Variants in CPNE4 observed in about 807,000 individuals in gnomAD.
CPNE4 encodes the protein copine 4, also known as copine-4.
A neutral mutation model predicts 67.9 loss-of-function variants in CPNE4; 25 were observed. That is an observed-to-expected ratio of 0.37 (90% confidence interval 0.27 to 0.51). CPNE4 has a LOEUF of 0.51. CPNE4 is among the 20% of genes least tolerant of loss of function. The pLI is 0.93. For missense variants in CPNE4, 464 were observed against 690.8 expected, an observed-to-expected ratio of 0.67 and a Z score of 3.68; for synonymous variants, 242 against 244.9, an observed-to-expected ratio of 0.99 and a Z score of 0.11.
At chr3:131,872,377 A>C (rs998521508) in intron 2 of CPNE4, among the ~76,000 whole-genome samples, 3 of 152,190 alleles carry the variant, frequency 2.0e-5, no homozygotes, top group African/African-American at 4.8e-5. Context: ...TCCAAGAACC[A>C]GGAGGACTCA....
intron 12 of CPNE4, among the ~76,000 whole-genome samples, chr3:131,555,196 C>T (rs905103987): frequency 1.3e-5 from 2 of 151,934 alleles, no homozygotes; most frequent in South Asian, 4.2e-4. Context: ...AGGTTCTGAG[C>T]CCCTGGAGAT....
intron 15 of CPNE4, chr3:131,537,543 A>G: frequency 4.6e-6 from 1 of 215,622 alleles, no homozygotes; most frequent in Non-Finnish European, 9.4e-6. Context: ...TCAGCATCTC[A>G]AAGTCCTGAG....
chr3:131,888,969 C>T (rs1486806655), intron 2 of CPNE4, among the ~76,000 whole-genome samples: 1 of 152,158 alleles, frequency 6.6e-6, no homozygotes, highest in African/African-American at 2.4e-5. Flanking sequence ...ATTAAACATA[C>T]CTCGACATAA....
At chr3:131,690,484 A>G (rs2081009786) in intron 5 of CPNE4, among the ~76,000 whole-genome samples, 1 of 152,132 alleles carries the variant, frequency 6.6e-6, no homozygotes, top group African/African-American at 2.4e-5. Context: ...ACTGGCTAGC[A>G]ATATGCAGAA....
intron 3 of CPNE4, among the ~76,000 whole-genome samples, chr3:131,716,224 C>A (rs147604401): frequency 3.4e-5 from 5 of 147,282 alleles, no homozygotes; most frequent in African/African-American, 1.3e-4. Context: ...CCAGACAGAG[C>A]GAGTACTACA....
At chr3:131,630,140 ACG>A (rs1433123290) in intron 7 of CPNE4, among the ~76,000 whole-genome samples, 5 of 152,238 alleles carry the variant, frequency 3.3e-5, no homozygotes, top group African/African-American at 7.2e-5. Context: ...ATGAAATCTC[ACG>A]CTGTCCTGCA....
chr3:131,850,792 A>G (rs2086209811), intron 2 of CPNE4, among the ~76,000 whole-genome samples: 1 of 152,100 alleles, frequency 6.6e-6, no homozygotes, highest in South Asian at 2.1e-4. Context: ...TAATCCTACG[A>G]GATTTTATCC....
chr3:131,944,086 C>T (rs367593963), intron 1 of CPNE4, among the ~76,000 whole-genome samples: 14 of 152,244 alleles, frequency 9.2e-5, no homozygotes, highest in African/African-American at 2.4e-4. Flanking sequence ...AATTCCAAAT[C>T]TCCAGCACCT....
intron 1 of CPNE4, among the ~76,000 whole-genome samples, chr3:131,929,651 C>T (rs183137736): frequency 9.2e-5 from 14 of 152,244 alleles, no homozygotes; most frequent in Admixed American, 5.9e-4. Flanking sequence ...GCTGTTCTTT[C>T]GCACATTCTC....
At chr3:131,855,769 T>C (rs893022147) in intron 2 of CPNE4, among the ~76,000 whole-genome samples, 6 of 151,976 alleles carry the variant, frequency 3.9e-5, no homozygotes, top group Non-Finnish European at 7.4e-5. Context: ...TGTTTGGGTC[T>C]CTGCTTATAA....
chr3:131,715,656 A>C (rs941563605), intron 3 of CPNE4, among the ~76,000 whole-genome samples: 2 of 152,240 alleles, frequency 1.3e-5, no homozygotes, highest in African/African-American at 4.8e-5. Context: ...ACTAAATAAA[A>C]GTGCCTGGAG....
intron 1 of CPNE4, among the ~76,000 whole-genome samples, chr3:131,912,872 A>T (rs547277779): frequency 2.0e-5 from 3 of 152,262 alleles, no homozygotes; most frequent in African/African-American, 7.2e-5. Context: ...TTCTGCTCCC[A>T]GATGTTGTTG....
At chr3:131,915,122 A>G (rs1011164935) in intron 1 of CPNE4, among the ~76,000 whole-genome samples, 5 of 152,214 alleles carry the variant, frequency 3.3e-5, no homozygotes, top group African/African-American at 1.2e-4. Flanking sequence ...GTGGTTAAAT[A>G]ACTTATCCCA....
intron 11 of CPNE4, among the ~76,000 whole-genome samples, chr3:131,562,387 C>A (rs1936818710): frequency 6.6e-6 from 1 of 151,942 alleles, no homozygotes; most frequent in Non-Finnish European, 1.5e-5. Flanking sequence ...ACCCATCAGT[C>A]TTCTGTTTGT....
At chr3:131,859,010 C>T (rs1251780301) in intron 2 of CPNE4, among the ~76,000 whole-genome samples, 1 of 152,178 alleles carries the variant, frequency 6.6e-6, no homozygotes, top group African/African-American at 2.4e-5. Flanking sequence ...TTGAGAATCA[C>T]TGTCTAACGA....
chr3:131,559,340 G>A (rs1243906469), intron 11 of CPNE4, among the ~76,000 whole-genome samples: 1 of 151,798 alleles, frequency 6.6e-6, no homozygotes, highest in East Asian at 1.9e-4. Context: ...GATGATAAGA[G>A]CAAAAAACTG....
At chr3:131,542,478 A>G (rs557961089) in intron 15 of CPNE4, 79 bp downstream of exon 15, 43 of 946,478 alleles carry the variant, frequency 4.5e-5, no homozygotes, top group African/African-American at 4.5e-4. Context: ...CACCATAAAC[A>G]TTGGTGGACA....
intron 2 of CPNE4, among the ~76,000 whole-genome samples, chr3:131,876,430 CAG>C (rs1413459440): frequency 2.0e-5 from 3 of 151,532 alleles, no homozygotes; most frequent in Non-Finnish European, 2.9e-5. Context: ...ATCACGAGGT[CAG>C]GAGATCGAGA....
chr3:131,792,921 G>A lies in CPNE4; in HGVS notation c.181-69296C>T, dbSNP rs78815196. On this transcript the variant is annotated intron_variant, in intron 2 of 15. Transcript: ENST00000429747. ...TGTGTGTGTGTGTGTGTGTGTGTGTGTGTGTATCTCCAACAAAACATGCCA... is the reference window on the plus strand; with the variant it reads ...TGTGTGTGTGTGTGTGTGTGTGTGTATGTGTATCTCCAACAAAACATGCCA... 1.0e-3 allele frequency among the ~76,000 whole-genome samples: 59 copies of A among 58,364 alleles called. No individual in the cohort carries two copies. In the Middle Eastern group the frequency reaches 0.022, roughly 22 times the overall value. The allele number at this position is 58,364 out of a possible 152,430, so 38.3% of individuals were successfully genotyped here. A position where few individuals can be genotyped will look rare whatever the true frequency, so the allele number is the denominator to read the frequency against.
Sources: allele counts gnomAD v4.1 joint callset (sites outside exome capture counted in the v4.1 genomes callset), GRCh38; gene constraint gnomAD v4.1.1; transcripts MANE v1.5; gene names NCBI Gene and HGNC (gene_info 2026-07-23, HGNC 2026-07-21).